Variants in EGFLAM observed in about 807,000 individuals in gnomAD.
EGFLAM encodes EGF like, fibronectin type III and laminin G domains, also known as pikachurin.
EGFLAM carries 79 observed loss-of-function variants against 113.1 expected under a neutral mutation model. The observed-to-expected ratio is 0.70, with a 90% CI of 0.58 to 0.84. The LOEUF is 0.84. Among genes scored for constraint, EGFLAM ranks in the 40% least tolerant of loss-of-function variants. The probability of loss-of-function intolerance (pLI) is 0.00; values close to 1 mark genes in which losing one functional copy is unlikely to be tolerated. For missense variants in EGFLAM, 1,265 were observed against 1,291.6 expected, an observed-to-expected ratio of 0.98 and a Z score of 0.32; for synonymous variants, 504 against 487.6, an observed-to-expected ratio of 1.03 and a Z score of -0.44.
intron 1 of EGFLAM, among the ~76,000 whole-genome samples, chr5:38,283,349 T>C (rs1758070217): frequency 6.6e-6 from 1 of 152,210 alleles, no homozygotes; most frequent in East Asian, 1.9e-4. Context: ...CTTCATTGCT[T>C]ATGATTATAC....
chr5:38,278,973 G>A (rs1053799405), intron 1 of EGFLAM, among the ~76,000 whole-genome samples: 2 of 152,026 alleles, frequency 1.3e-5, no homozygotes, highest in African/African-American at 4.8e-5. Context: ...TATCTGATAA[G>A]GGGCTAATAT....
chr5:38,357,476 G>T (rs1739793222), intron 5 of EGFLAM, among the ~76,000 whole-genome samples: 1 of 152,196 alleles, frequency 6.6e-6, no homozygotes, highest in Admixed American at 6.5e-5. Context: ...CTTTGGGTGG[G>T]GGAGGGGGTT....
intron 1 of EGFLAM, among the ~76,000 whole-genome samples, chr5:38,330,056 C>T (rs536054309): frequency 3.0e-4 from 45 of 152,288 alleles, no homozygotes; most frequent in Admixed American, 8.5e-4. Flanking sequence ...TTACAATTCA[C>T]GCTTTTTATG....
chr5:38,317,002 G>A (rs1162677242), intron 1 of EGFLAM, among the ~76,000 whole-genome samples: 4 of 152,130 alleles, frequency 2.6e-5, no homozygotes, highest in Non-Finnish European at 4.4e-5. Context: ...CAATGTTCCG[G>A]TGTCCATTCT....
chr5:38,343,818 C>T (rs1020142094), intron 3 of EGFLAM, among the ~76,000 whole-genome samples: 18 of 152,186 alleles, frequency 1.2e-4, no homozygotes, highest in Non-Finnish European at 2.1e-4. Context: ...GAGGTTGAAT[C>T]CAAGTTTACT....
At chr5:38,453,421 T>C (rs1427115688) in intron 19 of EGFLAM, among the ~76,000 whole-genome samples, 1 of 152,222 alleles carries the variant, frequency 6.6e-6, no homozygotes, top group Non-Finnish European at 1.5e-5. Context: ...AACAGAAATC[T>C]TTCTGTTTGA....
At chr5:38,452,422 T>G (rs1245460305) in intron 19 of EGFLAM, among the ~76,000 whole-genome samples, 2 of 152,206 alleles carry the variant, frequency 1.3e-5, no homozygotes, top group Non-Finnish European at 2.9e-5. Flanking sequence ...TGGCAGAGCC[T>G]TAGGAATTGA....
At chr5:38,317,480 C>A (rs192103562) in intron 1 of EGFLAM, among the ~76,000 whole-genome samples, 1 of 152,062 alleles carries the variant, frequency 6.6e-6, no homozygotes, top group African/African-American at 2.4e-5. Context: ...CTGGGGGCAG[C>A]GGACTGTCTT....
At chr5:38,406,276 T>TCGGGAGGCGGAGCTTGCAGTGAGCCGAGA in intron 7 of EGFLAM, 35 bp downstream of exon 7, 2 of 1,586,740 alleles carry the variant, frequency 1.3e-6, no homozygotes, top group African/African-American at 2.7e-5. Context: ...ACCCAGGGTG[T>TCGGGAGGCGGAGCTTGCAGTGAGCCGAGA]TTGTGTTTTC....
chr5:38,370,252 G>A (rs1425926321), intron 5 of EGFLAM, 44 bp from the exon 6 acceptor site: 1 of 1,589,660 alleles, frequency 6.3e-7, no homozygotes, highest in South Asian at 1.1e-5. Flanking sequence ...CTTCCCTCTG[G>A]TATTTCTGAA....
chr5:38,352,508 G>A (rs978724319), intron 5 of EGFLAM, among the ~76,000 whole-genome samples, 177 bp downstream of exon 5: 5 of 152,052 alleles, frequency 3.3e-5, no homozygotes, highest in Middle Eastern at 3.2e-3. Context: ...TTAGCTGGGC[G>A]TGATGGCACG....
At chr5:38,406,040 C>T (rs1326046797) in intron 6 of EGFLAM, 86 bp from the exon 7 acceptor site, 2 of 1,025,396 alleles carry the variant, frequency 2.0e-6, no homozygotes, top group Non-Finnish European at 3.1e-6. Flanking sequence ...CCATTCGGTA[C>T]AGCTCTGCCT....
intron 19 of EGFLAM, among the ~76,000 whole-genome samples, chr5:38,456,253 A>G (rs865987983): frequency 6.6e-6 from 1 of 152,186 alleles, no homozygotes; most frequent in Non-Finnish European, 1.5e-5. Context: ...TTGACAGATG[A>G]GAATATGAAG....
At chr5:38,320,282 C>CT (rs1367463748) in intron 1 of EGFLAM, among the ~76,000 whole-genome samples, 1 of 152,178 alleles carries the variant, frequency 6.6e-6, no homozygotes, top group African/African-American at 2.4e-5. Flanking sequence ...CTCCTCAGAA[C>CT]TTTTTAGAAA....
chr5:38,308,809 T>C (rs752949800), intron 1 of EGFLAM, among the ~76,000 whole-genome samples: 2 of 152,134 alleles, frequency 1.3e-5, no homozygotes, highest in Non-Finnish European at 2.9e-5. Context: ...GAATCCGGAA[T>C]GAAGAACCAA....
intron 14 of EGFLAM, 183 bp downstream of exon 14, chr5:38,427,435 T>C: frequency 2.1e-6 from 2 of 933,480 alleles, no homozygotes; most frequent in Non-Finnish European, 3.1e-6. Flanking sequence ...TAGAGAGTGC[T>C]CTCCTGCCCA....
Position 38,346,065 on chromosome 5 carries a change from C to T in EGFLAM, c.292-4436C>T, listed in dbSNP as rs547411498. 7.2e-5 allele frequency among the ~76,000 whole-genome samples: 11 copies of T among 152,224 alleles called. No homozygotes were observed. In the East Asian group the frequency reaches 2.1e-3, roughly 29 times the overall value. The stretch of plus-strand genomic sequence containing the variant: ...CGGAGTGTCAGTGCAGGAAAAGAGA[C>T]AGACGGGAAACAGCCAGCTTCAGGG... On this transcript the variant is annotated intron_variant, in intron 3 of 21. Coordinates refer to ENST00000322350, the MANE Select transcript of EGFLAM (RefSeq NM_152403.4).
intron 1 of EGFLAM, among the ~76,000 whole-genome samples, chr5:38,335,914 C>T (rs1365624333): frequency 6.6e-6 from 1 of 152,142 alleles, no homozygotes; most frequent in Non-Finnish European, 1.5e-5. Context: ...GAAATCTCAC[C>T]AGGACATATT....
At chr5:38,350,022 C>T (rs1431568333) in intron 3 of EGFLAM, among the ~76,000 whole-genome samples, 1 of 151,992 alleles carries the variant, frequency 6.6e-6, no homozygotes, top group Non-Finnish European at 1.5e-5. Context: ...AGAAAGTCTT[C>T]CTGGTAGTTC....
Sources: gnomAD v4.1 joint callset for allele counts (sites outside exome capture counted in the v4.1 genomes callset) on GRCh38, gnomAD v4.1.1 for gene constraint, MANE v1.5 for transcripts, NCBI Gene and HGNC (gene_info 2026-07-23, HGNC 2026-07-21) for gene names.